The following SOCS7 variants were observed in gnomAD, a reference collection of about 807,000 sequenced individuals.
SOCS7 encodes suppressor of cytokine signaling 7.
Under a neutral mutation model 58.9 loss-of-function variants are expected in SOCS7, and 18 were observed. That is an observed-to-expected ratio of 0.31 (90% CI 0.21 to 0.45). The LOEUF (loss-of-function observed/expected upper bound fraction) is 0.45, where lower values mean the gene tolerates loss of function less well. Ranked by LOEUF, SOCS7 falls within the 20% of genes least tolerant of loss-of-function variation. SOCS7 has a pLI of 1.00. For synonymous variants in SOCS7, 388 were observed against 364.3 expected, an observed-to-expected ratio of 1.06 and a Z score of -0.74; for missense variants, 667 against 837.3, an observed-to-expected ratio of 0.80 and a Z score of 2.51.
intron 6 of SOCS7, among the ~76,000 whole-genome samples, chr17:38,369,006 CA>C (rs2037827907): frequency 6.6e-6 from 1 of 152,240 alleles, no homozygotes; most frequent in Non-Finnish European, 1.5e-5. Flanking sequence ...ACTTGTTAAA[CA>C]CAGCTCTCTG....
chr17:38,385,225 C>T (rs2038053620), intron 7 of SOCS7, among the ~76,000 whole-genome samples: 1 of 151,706 alleles, frequency 6.6e-6, no homozygotes, highest in African/African-American at 2.4e-5. Context: ...TAGTTTTCTT[C>T]CTCCATTTCT....
intron 6 of SOCS7, among the ~76,000 whole-genome samples, chr17:38,375,556 T>G (rs1325392318): frequency 6.6e-6 from 1 of 152,226 alleles, no homozygotes. Context: ...AAAATATATG[T>G]TAACCGACTG....
intron 3 of SOCS7, 47 bp downstream of exon 3, chr17:38,364,903 G>C (rs1555568085): frequency 6.9e-7 from 1 of 1,446,746 alleles, no homozygotes; most frequent in Non-Finnish European, 9.7e-7. Flanking sequence ...GGGAGGGTGA[G>C]CTCCAGGGAC....
chr17:38,379,175 A>C (rs182964630), intron 7 of SOCS7, among the ~76,000 whole-genome samples: 3,327 of 148,482 alleles, frequency 0.022, 58 homozygotes, highest in Non-Finnish European at 0.034. Flanking sequence ...AAAAACAAAA[A>C]AAAACAAAAA....
chr17:38,385,013 C>G (rs2038051246), intron 7 of SOCS7, among the ~76,000 whole-genome samples: 1 of 150,992 alleles, frequency 6.6e-6, no homozygotes, highest in Non-Finnish European at 1.5e-5. Flanking sequence ...TCTCCTGCCT[C>G]AGCCTCCCAA....
chr17:38,381,859 G>A lies in SOCS7; in HGVS notation c.1681+4017G>A, dbSNP rs1444663991. On this transcript the variant is annotated intron_variant, in intron 7 of 9. Coordinates refer to ENST00000612932, the MANE Select transcript of SOCS7 (RefSeq NM_014598.4). ...CACATCTGTAGTCCTAGCTATTTAGGAGGCTGAGGCATGAGAATTGCTTGA... is the reference window on the plus strand; with the variant it reads ...CACATCTGTAGTCCTAGCTATTTAGAAGGCTGAGGCATGAGAATTGCTTGA... Among the ~76,000 whole-genome samples the A allele has an allele frequency of 4.1e-5, 6 of 147,594 alleles. No individual in the cohort carries two copies. In the East Asian group the frequency reaches 1.2e-3, roughly 30 times the overall value.
intron 7 of SOCS7, among the ~76,000 whole-genome samples, chr17:38,389,759 C>T (rs1165103328): frequency 1.5e-5 from 2 of 137,830 alleles, no homozygotes; most frequent in African/African-American, 5.4e-5. Flanking sequence ...AGCTTAATGC[C>T]TATATTTTCT....
intron 7 of SOCS7, among the ~76,000 whole-genome samples, chr17:38,381,831 G>T (rs1022625000): frequency 6.6e-6 from 1 of 151,310 alleles, no homozygotes; most frequent in African/African-American, 2.4e-5. Flanking sequence ...GGGCATGGTG[G>T]TGCACATCTG....
chr17:38,378,635 G>A (rs1001320750), intron 7 of SOCS7, among the ~76,000 whole-genome samples: 5 of 152,190 alleles, frequency 3.3e-5, no homozygotes, highest in Admixed American at 6.5e-5. Context: ...ACTTTGTTTT[G>A]TATCTTGCCA....
Position 38,352,870 on chromosome 17 carries a change from C to T in SOCS7, c.818C>T (p.Ser273Phe). The change falls in exon 1 of 10, where the codon TCC (serine) becomes TTC (phenylalanine). Residue 273 changes from serine to phenylalanine, a missense_variant. Coordinates refer to ENST00000612932, the MANE Select transcript of SOCS7 (RefSeq NM_014598.4). The surrounding 1 kb of genome is among the most constrained non-coding windows in gnomAD (Gnocchi z 5.5). ...CTCGCGGGTCCTTCTCGGAAGGGCT[C>T]CTTCAAAATCCGCCTCAGTCGCCTC... Reference protein sequence around the residue: ...RPLAGPSRKGSFKIRLSRLFR... With the variant: ...RPLAGPSRKGFFKIRLSRLFR... 6.3e-7 allele frequency: 1 copy of T among 1,593,208 alleles called. No homozygotes were observed.
intron 6 of SOCS7, among the ~76,000 whole-genome samples, chr17:38,372,542 G>T (rs1019595982): frequency 6.6e-6 from 1 of 152,200 alleles, no homozygotes; most frequent in African/African-American, 2.4e-5. Flanking sequence ...CCATGTGAGT[G>T]TTTATCTCTC....
intron 7 of SOCS7, among the ~76,000 whole-genome samples, chr17:38,379,411 G>C (rs938115438): frequency 6.6e-6 from 1 of 151,964 alleles, no homozygotes; most frequent in African/African-American, 2.4e-5. Flanking sequence ...CCTAGGAAGC[G>C]GAGGTTGCAG....
At chr17:38,368,763 A>G (rs990467519) in intron 6 of SOCS7, among the ~76,000 whole-genome samples, 1 of 152,150 alleles carries the variant, frequency 6.6e-6, no homozygotes, top group South Asian at 2.1e-4. Flanking sequence ...CGGCCTCCCA[A>G]AGGGCTTGGA....
At position 38,402,868 on chromosome 17, in the gene SOCS7, G is replaced by C. The variant is rs1402514615; in HGVS notation, c.*3386G>C. ...CTCAGTGCCTGCATAACCCTCACCT[G>C]TTTATGACTGATCTACTGTAACCTT... On this transcript the variant is annotated 3_prime_UTR_variant, in exon 10 of 10. Transcript: ENST00000612932. 2 of 152,208 alleles carry C rather than the reference G, an allele frequency of 1.3e-5. No individual in the cohort carries two copies. The highest frequency in any genetic ancestry group is 4.8e-5 in the African/African-American group (2 of 41,446). The allele number at this position is 152,208 out of a possible 1,614,324, so 9.4% of individuals were successfully genotyped here. A position where few individuals can be genotyped will look rare whatever the true frequency, so the allele number is the denominator to read the frequency against.
rs528498902 is a variant in SOCS7 at position 38,403,338 on chromosome 17, G to A, written c.*3856G>A. The A allele has an allele frequency of 6.6e-6, 1 of 152,306 alleles. No individual in the cohort carries two copies. Among genetic ancestry groups the A allele is most frequent in the East Asian group, 1.9e-4 (1 of 5,172 alleles). 9.4% of individuals were successfully genotyped at this position (152,306 alleles called of 1,614,324 possible). On this transcript the variant is annotated 3_prime_UTR_variant, in exon 10 of 10. Coordinates refer to ENST00000612932, the MANE Select transcript of SOCS7 (RefSeq NM_014598.4). Reference sequence around the variant, plus strand: ...GGTAATTATAGTTCCTAGGTCTAGGGGTGAGAGGTGGGAGTAGAACCAGAA... The same window carrying A: ...GGTAATTATAGTTCCTAGGTCTAGGAGTGAGAGGTGGGAGTAGAACCAGAA...
At chr17:38,367,825 A>G in intron 5 of SOCS7, 57 bp from the exon 6 acceptor site, 1 of 1,527,058 alleles carries the variant, frequency 6.5e-7, no homozygotes, top group Non-Finnish European at 9.0e-7. Context: ...GATTGCACTG[A>G]AAACTTTGAC....
At chr17:38,398,919 T>A (rs905944234) in intron 9 of SOCS7, among the ~76,000 whole-genome samples, 3 of 151,854 alleles carry the variant, frequency 2.0e-5, no homozygotes, top group Non-Finnish European at 4.4e-5. Context: ...GGTGAAACCC[T>A]GTCTCTACTA....
chr17:38,366,054 C>T, intron 4 of SOCS7: 2 of 1,312,766 alleles, frequency 1.5e-6, no homozygotes, highest in South Asian at 3.8e-5. Context: ...AGCTCCCCTC[C>T]CCCTTTCTTG....
chr17:38,377,287 G>A (rs893054539), intron 6 of SOCS7, among the ~76,000 whole-genome samples: 4 of 152,094 alleles, frequency 2.6e-5, no homozygotes, highest in South Asian at 4.1e-4. Flanking sequence ...AATCCAAAAT[G>A]CTTAAAAATC....
Sources: gnomAD v4.1 joint callset for allele counts (sites outside exome capture counted in the v4.1 genomes callset) on GRCh38, gnomAD v4.1.1 for gene constraint, Gnocchi (gnomAD v3.1) non-coding constraint, MANE v1.5 for transcripts, NCBI Gene and HGNC (gene_info 2026-07-23, HGNC 2026-07-21) for gene names.